Variants in PPCDC observed in about 807,000 individuals in gnomAD.
The protein encoded by PPCDC is phosphopantothenoylcysteine decarboxylase.
In PPCDC, 20 loss-of-function variants were observed where a neutral mutation model predicts 20.7. The observed-to-expected ratio is 0.97, with a 90% CI of 0.68 to 1.41. The LOEUF (loss-of-function observed/expected upper bound fraction) is 1.41. PPCDC is among the 40% of genes most tolerant of loss of function. PPCDC has a pLI of 0.00. For synonymous variants in PPCDC, 88 were observed against 100.3 expected (o/e 0.88, Z 0.73); for missense variants, 246 against 263.8 (o/e 0.93, Z 0.47).
rs769279462 is a variant in PPCDC at position 75,043,484 on chromosome 15, A to G, written c.179A>G (p.Tyr60Cys). ...VVTTERAKHF[Y>C]SPQDIPVTLY... is the part of the protein sequence containing the mutation. Reference sequence around the variant, plus strand: ...ACAACTGAGAGAGCCAAACATTTCTACAGCCCCCAGGACATTCCTGTCACC... The same window carrying G: ...ACAACTGAGAGAGCCAAACATTTCTGCAGCCCCCAGGACATTCCTGTCACC... The change falls in exon 3 of 6, where the codon TAC becomes TGC. Residue 60 changes from tyrosine (Y) to cysteine (C), a missense_variant. Physicochemically the swap from Tyr to Cys is radical, Grantham distance 194. This residue lies in a region of PPCDC where 225 missense variants were observed against 222.6 expected (regional missense o/e 1.01). Coordinates refer to ENST00000342932, the MANE Select transcript of PPCDC (RefSeq NM_021823.5). 1.2e-6 allele frequency: 2 copies of G among 1,612,944 alleles called. No individual in the cohort carries two copies.
At chr15:75,026,033 C>A (rs192566335) in intron 1 of PPCDC, among the ~76,000 whole-genome samples, 2 of 152,104 alleles carry the variant, frequency 1.3e-5, no homozygotes, top group African/African-American at 4.8e-5. Flanking sequence ...GACTATAGTG[C>A]CTGCTGTGGG....
At chr15:75,029,657 C>G (rs538409597) in intron 2 of PPCDC, among the ~76,000 whole-genome samples, 2 of 152,080 alleles carry the variant, frequency 1.3e-5, no homozygotes, top group Admixed American at 6.5e-5. Context: ...AGGAGAGTCT[C>G]GTGGCACTCT....
rs773973376 is a variant in PPCDC, at chr15:75,028,427, G to T, written c.109G>T (p.Val37Leu). ...CGCAGCCCTGAAGTTGCCTCTTCTG[G>T]TGTCAAAGCTTTTGGACATTCCTGG... The part of the protein sequence containing the change: ...SVAALKLPLL[V>L]SKLLDIPGLE... Residue 37 changes from valine (V) to leucine (L), a missense_variant, in exon 2 of 6, where the codon GTG (valine) becomes TTG (leucine). This residue lies in a region of PPCDC where 225 missense variants were observed against 222.6 expected (regional missense o/e 1.01). Coordinates refer to ENST00000342932, the MANE Select transcript of PPCDC (RefSeq NM_021823.5). The T allele has an allele frequency of 1.2e-6, 2 of 1,614,232 alleles. No homozygotes were observed. The highest frequency in any genetic ancestry group is 1.7e-5 in the Admixed American group (1 of 60,026).
At chr15:75,024,910 CT>C (rs71140130) in intron 1 of PPCDC, among the ~76,000 whole-genome samples, 35,176 of 147,238 alleles carry the variant, frequency 0.24, 5,448 homozygotes, top group Non-Finnish European at 0.37. Flanking sequence ...TAGCTACACA[CT>C]TTTTTTTTTT....
chr15:75,049,556 C>G lies in PPCDC; in HGVS notation c.*321C>G. On this transcript the variant is annotated 3_prime_UTR_variant, in exon 6 of 6. Transcript: ENST00000342932. ...GGGAAAACTCGGCTCTACATCTCAC[C>G]CAGAACGGCTTTTAGAAACACCACA... 3.5e-6 allele frequency: 1 copy of G among 282,488 alleles called. No individual in the cohort carries two copies. Among genetic ancestry groups the G allele is most frequent in the Middle Eastern group, 1.1e-3 (1 of 924 alleles). The allele number at this position is 282,488 out of a possible 1,614,324, so 17.5% of individuals were successfully genotyped here.
Position 75,045,908 on chromosome 15 carries a change from T to TA in PPCDC, c.360+1407dup, listed in dbSNP as rs34892601. 6.7e-3 allele frequency among the ~76,000 whole-genome samples: 941 copies of TA among 140,614 alleles called. 5 individuals are homozygous for TA. Among genetic ancestry groups the TA allele is most frequent in the African/African-American group, 0.021 (797 of 37,348 alleles). 92.2% of individuals were successfully genotyped at this position (140,614 alleles called of 152,430 possible). Reference sequence around the variant, plus strand: ...AACATAGCAAGACCCTGTCTCTAGTTAAAAAAAAAAAAAGGGAAAAGGCTA... The same window carrying TA: ...AACATAGCAAGACCCTGTCTCTAGTTAAAAAAAAAAAAAAGGGAAAAGGCTA... On this transcript the variant is annotated intron_variant, in intron 4 of 5. Transcript: ENST00000342932.
chr15:75,029,946 C>T (rs2066002024), intron 2 of PPCDC, among the ~76,000 whole-genome samples: 1 of 152,228 alleles, frequency 6.6e-6, no homozygotes, highest in African/African-American at 2.4e-5. Context: ...CGCTTCCTCC[C>T]ATCCCACGCA....
chr15:75,048,784 C>G (rs1169519623), intron 5 of PPCDC, 63 bp downstream of exon 5: 1 of 1,555,074 alleles, frequency 6.4e-7, no homozygotes, highest in Non-Finnish European at 8.7e-7. Context: ...GGGGTCATAT[C>G]TCAGTTCAGT....
chr15:75,035,963 CAAAAAA>C (rs11306068), intron 2 of PPCDC, among the ~76,000 whole-genome samples: 1 of 105,116 alleles, frequency 9.5e-6, no homozygotes, highest in Non-Finnish European at 1.9e-5. Flanking sequence ...GACTGTGTCT[CAAAAAA>C]AAAAAAAAAA....
intron 2 of PPCDC, among the ~76,000 whole-genome samples, chr15:75,035,263 A>G (rs1235178714): frequency 6.6e-6 from 1 of 152,120 alleles, no homozygotes; most frequent in Non-Finnish European, 1.5e-5. Flanking sequence ...TGGTTGTCCT[A>G]ACTTAGGGAT....
At chr15:75,032,729 C>G (rs896535338) in intron 2 of PPCDC, among the ~76,000 whole-genome samples, 1 of 126,948 alleles carries the variant, frequency 7.9e-6, no homozygotes, top group African/African-American at 3.1e-5. Context: ...ACTGGACCCC[C>G]CCCCCCAAGG....
rs754240597 is a variant in PPCDC at position 75,043,539 on chromosome 15, C to T, written c.231+3C>T. ...ACAGCGACGCTGATGAATGGGAGGT[C>T]AGTGCTGGGGCCCCTGGGCTGAGTT... is the stretch of plus-strand genomic sequence containing the variant. On this transcript the variant is annotated splice_donor_region_variant and intron_variant, in intron 3 of 5. Coordinates refer to ENST00000342932, the MANE Select transcript of PPCDC (RefSeq NM_021823.5). The T allele has an allele frequency of 1.2e-6, 2 of 1,604,366 alleles. No homozygotes were observed. Among genetic ancestry groups the T allele is most frequent in the Non-Finnish European group, 1.7e-6 (2 of 1,174,572 alleles).
chr15:75,032,729 C>A (rs896535338), intron 2 of PPCDC, among the ~76,000 whole-genome samples: 1 of 126,946 alleles, frequency 7.9e-6, no homozygotes, highest in South Asian at 4.8e-4. Context: ...ACTGGACCCC[C>A]CCCCCCAAGG....
At chr15:75,039,154 T>A (rs1452520673) in intron 2 of PPCDC, among the ~76,000 whole-genome samples, 1 of 152,226 alleles carries the variant, frequency 6.6e-6, no homozygotes, top group African/African-American at 2.4e-5. Flanking sequence ...GTGCCAAAAG[T>A]TGATTGGAAA....
chr15:75,027,279 C>T (rs746734197), intron 1 of PPCDC, among the ~76,000 whole-genome samples: 1 of 152,162 alleles, frequency 6.6e-6, no homozygotes, highest in Non-Finnish European at 1.5e-5. Flanking sequence ...TCTTTGTAAT[C>T]GGTCCTCAGT....
At chr15:75,035,128 G>C (rs1230799274) in intron 2 of PPCDC, among the ~76,000 whole-genome samples, 4 of 152,168 alleles carry the variant, frequency 2.6e-5, no homozygotes, top group African/African-American at 7.2e-5. Context: ...CTACGGCACA[G>C]GTAGGGCCGT....
At position 75,049,739 on chromosome 15, in the gene PPCDC, T is replaced by C. The variant is rs903194938; in HGVS notation, c.*504T>C. 5 of 155,414 alleles carry C rather than the reference T, an allele frequency of 3.2e-5. No homozygotes were observed. The highest frequency in any genetic ancestry group is 1.2e-4 in the African/African-American group (5 of 41,388). The allele number at this position is 155,414 out of a possible 1,614,324, so 9.6% of individuals were successfully genotyped here. ...GCGGGGAAATAAAGAAAAATCACCA[T>C]TTAGGAGACTCCATTCTTTCCCTAC... On this transcript the variant is annotated 3_prime_UTR_variant, in exon 6 of 6. Transcript: ENST00000342932.
rs951920206 is a variant in PPCDC, at chr15:75,028,355, T to C, written c.37T>C (p.Leu13=). 2.5e-6 allele frequency: 4 copies of C among 1,614,136 alleles called. No homozygotes were observed. Among genetic ancestry groups the C allele is most frequent in the South Asian group, 1.1e-5 (1 of 91,074 alleles). ...PKASCPAAAP[L]MERKFHVLVG... is the part of the protein sequence containing the mutation. ...GGCCTCCTGTCCAGCTGCTGCACCC[T>C]TGATGGAGAGAAAATTCCATGTTCT... is the stretch of plus-strand genomic sequence containing the variant. Residue 13 remains leucine, a synonymous_variant, in exon 2 of 6, where the codon TTG becomes CTG. Coordinates refer to ENST00000342932, the MANE Select transcript of PPCDC (RefSeq NM_021823.5).
chr15:75,027,193 T>G (rs2065969009), intron 1 of PPCDC, among the ~76,000 whole-genome samples: 1 of 152,142 alleles, frequency 6.6e-6, no homozygotes, highest in South Asian at 2.1e-4. Flanking sequence ...CAGGTGTCAT[T>G]CCTGTCTTCT....
Sources: allele counts gnomAD v4.1 joint callset (sites outside exome capture counted in the v4.1 genomes callset), GRCh38; gene constraint gnomAD v4.1.1; regional missense constraint gnomAD v4.1.1; transcripts MANE v1.5; gene names NCBI Gene and HGNC (gene_info 2026-07-23, HGNC 2026-07-21).